GPLD1: variants seen among roughly 807,000 people sequenced by gnomAD.
GPLD1 encodes phosphatidylinositol-glycan-specific phospholipase D.
A neutral mutation model predicts 112.6 loss-of-function variants in GPLD1; 84 were observed. The observed-to-expected ratio is 0.75, with a 90% CI of 0.63 to 0.89. The LOEUF is 0.89. Among genes scored for constraint, GPLD1 ranks in the 40% least tolerant of loss-of-function variants. The pLI, the probability that GPLD1 is intolerant of heterozygous loss-of-function variation, is 0.00. For missense variants in GPLD1, 1,044 were observed against 1,051.5 expected, an observed-to-expected ratio of 0.99 and a Z score of 0.10; for synonymous variants, 386 against 403.8, an observed-to-expected ratio of 0.96 and a Z score of 0.53.
At chr6:24,451,176 G>A (rs1385298367) in intron 14 of GPLD1, among the ~76,000 whole-genome samples, 1 of 152,132 alleles carries the variant, frequency 6.6e-6, no homozygotes, top group African/African-American at 2.4e-5. Flanking sequence ...ATTAAGGTAG[G>A]AACTGTTAGC....
At chr6:24,456,411 T>C in intron 13 of GPLD1, 87 bp downstream of exon 13, 1 of 894,332 alleles carries the variant, frequency 1.1e-6, no homozygotes, top group East Asian at 2.7e-5. Flanking sequence ...TAAAATAAAA[T>C]AAAATGAAAT....
At chr6:24,470,416 T>C (rs1034400573) in intron 7 of GPLD1, among the ~76,000 whole-genome samples, 12 of 152,202 alleles carry the variant, frequency 7.9e-5, no homozygotes, top group Non-Finnish European at 1.6e-4. Flanking sequence ...AAAATCTATA[T>C]AGCAAAGCAA....
In GPLD1 at chr6:24,426,325, A is replaced by G. The variant is rs1762235940; in HGVS notation, c.*2707T>C. 1 of 152,228 alleles carries G rather than the reference A, an allele frequency of 6.6e-6. No individual in the cohort carries two copies. Among genetic ancestry groups the G allele is most frequent in the Non-Finnish European group, 1.5e-5 (1 of 68,042 alleles). The allele number at this position is 152,228 out of a possible 1,614,324, so 9.4% of individuals were successfully genotyped here. ...AGTGGAAAGAAAATTTAATCCATGT[A>G]TCAGGATAATATATTAGACTGTCAT... On this transcript the variant is annotated 3_prime_UTR_variant, in exon 25 of 25. Transcript: ENST00000230036.
intron 7 of GPLD1, among the ~76,000 whole-genome samples, chr6:24,471,724 TTC>T (rs1363934156): frequency 1.3e-5 from 2 of 152,158 alleles, no homozygotes; most frequent in Non-Finnish European, 2.9e-5. Flanking sequence ...AAGGTTTTCT[TTC>T]TTTTTATTTA....
intron 3 of GPLD1, among the ~76,000 whole-genome samples, chr6:24,477,897 A>C (rs1372512409): frequency 6.6e-6 from 1 of 152,248 alleles, no homozygotes; most frequent in Non-Finnish European, 1.5e-5. Context: ...AAAATGTGGA[A>C]AAATGCAAAA....
At chr6:24,435,300 T>C (rs911219100) in intron 22 of GPLD1, among the ~76,000 whole-genome samples, 9 of 152,128 alleles carry the variant, frequency 5.9e-5, no homozygotes, top group Non-Finnish European at 8.8e-5. Context: ...CGTGAGCCAC[T>C]GCGCCCGGCC....
At chr6:24,465,682 G>A (rs1239026863) in intron 10 of GPLD1, among the ~76,000 whole-genome samples, 1 of 152,132 alleles carries the variant, frequency 6.6e-6, no homozygotes, top group Non-Finnish European at 1.5e-5. Context: ...AGCTAGAAGT[G>A]GGGACAATCA....
Position 24,485,970 on chromosome 6 carries a change from A to G in GPLD1, c.153+105T>C, listed in dbSNP as rs549944025. 57 of 737,040 alleles carry G rather than the reference A, an allele frequency of 7.7e-5. No homozygotes were observed. In the Admixed American group the frequency reaches 9.8e-4, roughly 13 times the overall value. The allele number at this position is 737,040 out of a possible 1,614,324, so 45.7% of individuals were successfully genotyped here. On this transcript the variant is annotated intron_variant, in intron 2 of 24. Coordinates refer to ENST00000230036, the MANE Select transcript of GPLD1 (RefSeq NM_001503.4). ...AGGCATGAGCCACCACGCCCAGCCA[A>G]AATGAGTCTTAAAATTACTGTTTAA... is the stretch of plus-strand genomic sequence containing the variant.
intron 20 of GPLD1, 129 bp from the exon 21 acceptor site, chr6:24,437,418 A>G (rs1762614651): frequency 3.9e-6 from 3 of 775,276 alleles, no homozygotes; most frequent in Non-Finnish European, 6.2e-6. Context: ...GGAGCTGGTC[A>G]TCTCCGGCAG....
intron 13 of GPLD1, 142 bp downstream of exon 13, chr6:24,456,356 C>G (rs529577196): frequency 1.7e-6 from 1 of 581,172 alleles, no homozygotes; most frequent in Non-Finnish European, 2.9e-6. Context: ...AAGATCAAGC[C>G]ACTGTACTCC....
chr6:24,446,912 A>C lies in GPLD1; in HGVS notation c.1746T>G (p.Tyr582Ter). 6.2e-7 allele frequency: 1 copy of C among 1,614,042 alleles called. No individual in the cohort carries two copies. Residue 582 changes from tyrosine (Y) to a stop codon, truncating the protein, a stop_gained, in exon 18 of 25, where the codon TAT becomes TAG. Coordinates refer to ENST00000230036, the MANE Select transcript of GPLD1 (RefSeq NM_001503.4). LOFTEE classifies it high-confidence loss of function. ...RGEEDFSWFGYSLHGVTVDNR... is the reference protein window; with the variant it reads ...RGEEDFSWFG The stretch of plus-strand genomic sequence containing the variant: ...TGTCCACAGTGACACCGTGAAGGGA[A>C]TATCCAAACCAGGAGAAGTCTTCCT...
intron 14 of GPLD1, among the ~76,000 whole-genome samples, chr6:24,450,742 C>T (rs1237245438): frequency 6.6e-6 from 1 of 152,032 alleles, no homozygotes; most frequent in South Asian, 2.1e-4. Flanking sequence ...TTTGGGAGGC[C>T]GAGGCGAGCA....
chr6:24,453,158 A>G (rs1763147975), intron 14 of GPLD1, among the ~76,000 whole-genome samples: 1 of 152,214 alleles, frequency 6.6e-6, no homozygotes, highest in Non-Finnish European at 1.5e-5. Context: ...GTGATGAATA[A>G]CCACTTAGGA....
chr6:24,446,451 C>T (rs1188242028), intron 18 of GPLD1, among the ~76,000 whole-genome samples: 1 of 152,136 alleles, frequency 6.6e-6, no homozygotes, highest in Non-Finnish European at 1.5e-5. Context: ...TGAGTTACCA[C>T]TGCCCTCTGC....
chr6:24,438,992 C>A (rs1377805143), intron 20 of GPLD1, among the ~76,000 whole-genome samples: 1 of 152,134 alleles, frequency 6.6e-6, no homozygotes, highest in Non-Finnish European at 1.5e-5. Context: ...CCGTGTTAGC[C>A]AGGATGGTCT....
At chr6:24,457,741 C>G (rs139212199) in intron 12 of GPLD1, among the ~76,000 whole-genome samples, 4,829 of 151,310 alleles carry the variant, frequency 0.032, 95 homozygotes, top group Non-Finnish European at 0.045. Context: ...GGAGTGGTGG[C>G]GGGCACCTGT....
In GPLD1 at chr6:24,445,568, C is replaced by G. The variant is rs758157454; in HGVS notation, c.1998G>C (p.Leu666=). Residue 666 remains leucine (L), a synonymous_variant, in exon 20 of 25, where the codon CTG becomes CTC. Transcript: ENST00000230036. ...VLMNGTLKQV[L]LVGAPTYDDV... ...TACCGTACGTAGGGGCTCCAACCAG[C>G]AGCACTTGTTTCAGAGTCCCATTCA... The G allele has an allele frequency of 5.6e-6, 9 of 1,613,544 alleles. No individual in the cohort carries two copies. In the Admixed American group the frequency reaches 1.5e-4, roughly 27 times the overall value.
chr6:24,488,929 C>T (rs16889391), intron 1 of GPLD1, among the ~76,000 whole-genome samples: 14,924 of 152,166 alleles, frequency 0.098, 966 homozygotes, highest in South Asian at 0.17. Context: ...CTTTCTTGAC[C>T]TTCCTGAAGC....
rs143874618 is a variant in GPLD1, at chr6:24,475,182, G to A, written c.380C>T (p.Ala127Val). Residue 127 changes from alanine (A) to valine (V), a missense_variant, in exon 5 of 25, where the codon GCG becomes GTG. Transcript: ENST00000230036. ...CAGACTATGCCAGCTGACATCTGCC[G>A]CCATGTGAGAAGTAATTCCAAACAA... Reference protein sequence around the residue: ...AFLFGITSHMAADVSWHSLGL... With the variant: ...AFLFGITSHMVADVSWHSLGL... 6.4e-4 allele frequency: 1,026 copies of A among 1,612,630 alleles called. 15 individuals are homozygous for A. The South Asian group carries it at 7.3e-3, about 12-fold the overall frequency.
Sources: gnomAD v4.1 joint callset for allele counts (sites outside exome capture counted in the v4.1 genomes callset) on GRCh38, gnomAD v4.1.1 for gene constraint, MANE v1.5 for transcripts, NCBI Gene and HGNC (gene_info 2026-07-23, HGNC 2026-07-21) for gene names.